The following KIRREL3 variants were observed in gnomAD, a reference collection of about 807,000 sequenced individuals.
KIRREL3 encodes the protein kirre like nephrin family adhesion molecule 3.
KIRREL3 carries 36 observed loss-of-function variants against 89.7 expected under a neutral mutation model. That is an observed-to-expected ratio of 0.40 (90% CI 0.31 to 0.53). The LOEUF is 0.53. KIRREL3 is among the 20% of genes least tolerant of loss of function. The pLI is 0.49. For missense variants in KIRREL3, 864 were observed against 1,056.6 expected (o/e 0.82, Z 2.53); for synonymous variants, 445 against 441.4 (o/e 1.01, Z -0.10).
In KIRREL3 at chr11:126,912,581, A is replaced by T. The variant is rs75112966; in HGVS notation, c.55+87874T>A. On this transcript the variant is annotated intron_variant, in intron 1 of 16. Transcript: ENST00000525144. This position sits in a 1 kb window ranked among gnomAD's most constrained non-coding sequence, Gnocchi z 4.7. ...TGGAAATAACTCATCTTATCTATTC[A>T]TCTGGAATACGATCCTGATGAACAG... Among the ~76,000 whole-genome samples, 7 of 152,242 alleles carry T rather than the reference A, an allele frequency of 4.6e-5. No individual in the cohort carries two copies. In the East Asian group the frequency reaches 1.2e-3, roughly 25 times the overall value.
chr11:126,428,024 T>C lies in KIRREL3; in HGVS notation c.1806+1155A>G, dbSNP rs1255262609. Among the ~76,000 whole-genome samples, 1 of 152,222 alleles carries C rather than the reference T, an allele frequency of 6.6e-6. No individual in the cohort carries two copies. The highest frequency in any genetic ancestry group is 1.5e-5 in the Non-Finnish European group (1 of 68,036). Reference sequence around the variant, plus strand: ...GATTCAGTAAACGTCTGTGAGCCTCTACCAGGGCCTGTGTAAGGCTCCGAA... The same window carrying C: ...GATTCAGTAAACGTCTGTGAGCCTCCACCAGGGCCTGTGTAAGGCTCCGAA... On this transcript the variant is annotated intron_variant, in intron 15 of 16. Transcript: ENST00000525144. This position sits in a 1 kb window ranked among gnomAD's most constrained non-coding sequence, Gnocchi z 6.4.
chr11:126,443,702 A>G lies in KIRREL3; in HGVS notation c.1252+1277T>C, dbSNP rs1459473295. Among the ~76,000 whole-genome samples the G allele has an allele frequency of 6.6e-6, 1 of 152,130 alleles. No homozygotes were observed. Among genetic ancestry groups the G allele is most frequent in the Non-Finnish European group, 1.5e-5 (1 of 68,012 alleles). On this transcript the variant is annotated intron_variant, in intron 10 of 16. Transcript: ENST00000525144. The surrounding 1 kb of genome is among the most constrained non-coding windows in gnomAD (Gnocchi z 7.3). ...GGTTTTCTAGCGAAGGGGAGAATAGATGAGGCCATCAGCAGGTGGCTTTCT... is the reference window on the plus strand; with the variant it reads ...GGTTTTCTAGCGAAGGGGAGAATAGGTGAGGCCATCAGCAGGTGGCTTTCT...
chr11:126,929,016 G>T (rs565935099), intron 1 of KIRREL3, among the ~76,000 whole-genome samples: 1 of 152,292 alleles, frequency 6.6e-6, no homozygotes, highest in Admixed American at 6.5e-5. Flanking sequence ...AAAAATCAGA[G>T]ATAGAAAGAC....
intron 1 of KIRREL3, among the ~76,000 whole-genome samples, chr11:126,775,004 C>A (rs1035094349): frequency 2.0e-5 from 3 of 152,298 alleles, no homozygotes; most frequent in African/African-American, 7.2e-5. Flanking sequence ...TAGATGCAGT[C>A]TGTCTTAAGA....
chr11:126,736,550 G>C lies in KIRREL3; in HGVS notation c.56-173638C>G, dbSNP rs1196101015. 6.6e-6 allele frequency among the ~76,000 whole-genome samples: 1 copy of C among 152,182 alleles called. No individual in the cohort carries two copies. The highest frequency in any genetic ancestry group is 2.4e-5 in the African/African-American group (1 of 41,432). The stretch of plus-strand genomic sequence containing the variant: ...GATTTTGTCCCCAGGGGACATTTGA[G>C]AACATCTGAAGATATTTTCGGTTGT... On this transcript the variant is annotated intron_variant, in intron 1 of 16. Coordinates refer to ENST00000525144, the MANE Select transcript of KIRREL3 (RefSeq NM_032531.4). This position sits in a 1 kb window ranked among gnomAD's most constrained non-coding sequence, Gnocchi z 5.0.
At position 126,561,409 on chromosome 11, in the gene KIRREL3, C is replaced by T. The variant is rs1339285959; in HGVS notation, c.133+1426G>A. On this transcript the variant is annotated intron_variant, in intron 2 of 16. Coordinates refer to ENST00000525144, the MANE Select transcript of KIRREL3 (RefSeq NM_032531.4). This position sits in a 1 kb window ranked among gnomAD's most constrained non-coding sequence, Gnocchi z 4.5. ...AGCCCAGCTCCTGACTTTTTGGCTT[C>T]CCCAATCCCTACAAACCTCTTTCGA... 6.6e-6 allele frequency among the ~76,000 whole-genome samples: 1 copy of T among 152,218 alleles called. No individual in the cohort carries two copies. Among genetic ancestry groups the T allele is most frequent in the Non-Finnish European group, 1.5e-5 (1 of 68,042 alleles).
intron 2 of KIRREL3, among the ~76,000 whole-genome samples, chr11:126,534,498 C>T (rs541599): frequency 3.3e-5 from 5 of 152,110 alleles, no homozygotes; most frequent in Non-Finnish European, 4.4e-5. Flanking sequence ...TTCCTGAAAG[C>T]GGGAGGCTCT....
At chr11:126,749,189 TTCCC>T (rs1949252868) in intron 1 of KIRREL3, among the ~76,000 whole-genome samples, 1 of 152,214 alleles carries the variant, frequency 6.6e-6, no homozygotes, top group Admixed American at 6.5e-5. Context: ...CAGTGATGAA[TTCCC>T]TCCGTTCATT....
In KIRREL3 at chr11:126,903,228, G is replaced by T. The variant is rs887160078; in HGVS notation, c.55+97227C>A. On this transcript the variant is annotated intron_variant, in intron 1 of 16. Coordinates refer to ENST00000525144, the MANE Select transcript of KIRREL3 (RefSeq NM_032531.4). This position sits in a 1 kb window ranked among gnomAD's most constrained non-coding sequence, Gnocchi z 4.5. ...TTGCTATATTTAGAGGGAAAATAACGTCCCTCTGCAATTACCATTTGGTAT... is the reference window on the plus strand; with the variant it reads ...TTGCTATATTTAGAGGGAAAATAACTTCCCTCTGCAATTACCATTTGGTAT... Among the ~76,000 whole-genome samples, 1 of 151,986 alleles carries T rather than the reference G, an allele frequency of 6.6e-6. No homozygotes were observed. The highest frequency in any genetic ancestry group is 2.1e-4 in the South Asian group (1 of 4,830).
chr11:126,616,074 CA>C (rs1943334441), intron 1 of KIRREL3, among the ~76,000 whole-genome samples: 1 of 152,182 alleles, frequency 6.6e-6, no homozygotes, highest in South Asian at 2.1e-4. Context: ...CGCGGCCGAG[CA>C]TACGTGGCAG....
chr11:126,749,746 A>T (rs188739216), intron 1 of KIRREL3, among the ~76,000 whole-genome samples: 12 of 152,248 alleles, frequency 7.9e-5, no homozygotes, highest in African/African-American at 2.6e-4. Flanking sequence ...GGAGGTGAGG[A>T]AGGTGAAAGT....
chr11:126,628,485 G>A lies in KIRREL3; in HGVS notation c.56-65573C>T, dbSNP rs1943884785. Among the ~76,000 whole-genome samples, 1 of 152,218 alleles carries A rather than the reference G, an allele frequency of 6.6e-6. No homozygotes were observed. The highest frequency in any genetic ancestry group is 1.5e-5 in the Non-Finnish European group (1 of 68,036). ...CATAGTAGGTGGTTAATGAATGTTT[G>A]CTGAGCAGGAAGAACAGTATATCCC... On this transcript the variant is annotated intron_variant, in intron 1 of 16. Coordinates refer to ENST00000525144, the MANE Select transcript of KIRREL3 (RefSeq NM_032531.4). This position sits in a 1 kb window ranked among gnomAD's most constrained non-coding sequence, Gnocchi z 5.2.
intron 1 of KIRREL3, among the ~76,000 whole-genome samples, chr11:126,716,770 G>T (rs1947983938): frequency 1.4e-5 from 2 of 144,556 alleles, no homozygotes; most frequent in Admixed American, 6.9e-5. Flanking sequence ...GAAGTGTGGG[G>T]GAGAGTAACA....
intron 6 of KIRREL3, among the ~76,000 whole-genome samples, chr11:126,461,572 T>TC (rs949878263): frequency 1.3e-3 from 199 of 151,522 alleles, no homozygotes; most frequent in African/African-American, 3.1e-3. Flanking sequence ...GAAGATAAAG[T>TC]CCCCCCCGCC....
rs1388686257 is a variant in KIRREL3 at position 126,498,117 on chromosome 11, T to C, written c.433+23198A>G. On this transcript the variant is annotated intron_variant, in intron 4 of 16. Coordinates refer to ENST00000525144, the MANE Select transcript of KIRREL3 (RefSeq NM_032531.4). The surrounding 1 kb of genome is among the most constrained non-coding windows in gnomAD (Gnocchi z 4.3). ...AGCCAGTAAGCCTGCTTAGTAGCTC[T>C]ACTGCATCACACTGGTCTGGACCAA... 6.6e-6 allele frequency among the ~76,000 whole-genome samples: 1 copy of C among 152,198 alleles called. No homozygotes were observed. The highest frequency in any genetic ancestry group is 2.4e-5 in the African/African-American group (1 of 41,442).
intron 1 of KIRREL3, among the ~76,000 whole-genome samples, chr11:126,633,274 A>C (rs1391249996): frequency 6.6e-6 from 1 of 152,118 alleles, no homozygotes; most frequent in Non-Finnish European, 1.5e-5. Flanking sequence ...CAATAAGTGC[A>C]GCAAACCACC....
At chr11:126,439,305 G>A (rs1366128541) in intron 11 of KIRREL3, among the ~76,000 whole-genome samples, 1 of 151,912 alleles carries the variant, frequency 6.6e-6, no homozygotes, top group Non-Finnish European at 1.5e-5. Flanking sequence ...CACCCAGCCT[G>A]GGTGATAGAG....
intron 1 of KIRREL3, among the ~76,000 whole-genome samples, chr11:126,654,551 A>G (rs1945047046): frequency 6.6e-6 from 1 of 152,076 alleles, no homozygotes; most frequent in African/African-American, 2.4e-5. Context: ...GAGCATGTGT[A>G]ATGTAGGAAG....
rs1950124209 is a variant in KIRREL3, at chr11:126,994,550, C to T, written c.55+5905G>A. On this transcript the variant is annotated intron_variant, in intron 1 of 16. Coordinates refer to ENST00000525144, the MANE Select transcript of KIRREL3 (RefSeq NM_032531.4). This position sits in a 1 kb window ranked among gnomAD's most constrained non-coding sequence, Gnocchi z 5.2. ...GACATTTGTTTCCAAGCAGCTTATG[C>T]TAAATTGCAGTGATATAAAGGAAAC... 6.6e-6 allele frequency among the ~76,000 whole-genome samples: 1 copy of T among 152,180 alleles called. No individual in the cohort carries two copies. Among genetic ancestry groups the T allele is most frequent in the Admixed American group, 6.5e-5 (1 of 15,280 alleles).
Sources: allele counts gnomAD v4.1 joint callset (sites outside exome capture counted in the v4.1 genomes callset), GRCh38; gene constraint gnomAD v4.1.1; non-coding constraint Gnocchi (gnomAD v3.1); transcripts MANE v1.5; gene names NCBI Gene and HGNC (gene_info 2026-07-23, HGNC 2026-07-21).